Variants in XKRX observed in about 807,000 individuals in gnomAD.
XKRX encodes the protein XK-related protein 2.
Under a neutral mutation model 22.4 loss-of-function variants are expected in XKRX, and 11 were observed. The observed-to-expected ratio is 0.49, with a 90% confidence interval of 0.31 to 0.81. XKRX has a LOEUF of 0.81. Among genes scored for constraint, XKRX ranks in the 40% least tolerant of loss-of-function variants. The pLI is 0.05. For missense variants in XKRX, 320 were observed against 336.5 expected (o/e 0.95, Z 0.38); for synonymous variants, 114 against 132.2 (o/e 0.86, Z 0.94).
the XKRX span, among the ~76,000 whole-genome samples, chrX:100,941,719 T>C: frequency 1.8e-5 from 2 of 111,698 alleles, no homozygotes; most frequent in Non-Finnish European, 3.8e-5. Context: ...CAGCTGCAGC[T>C]ACCTTCTTAC....
the XKRX span, among the ~76,000 whole-genome samples, chrX:100,887,217 C>T: frequency 4.5e-5 from 5 of 111,196 alleles, no homozygotes; most frequent in African/African-American, 1.6e-4. Context: ...CCTGGCATCA[C>T]CCTGAAGGAA....
At chrX:100,900,108 A>C in the XKRX span, among the ~76,000 whole-genome samples, 1 of 112,227 alleles carries the variant, frequency 8.9e-6, no homozygotes, top group Admixed American at 9.5e-5. Context: ...TTGTAATCCC[A>C]GCACTTTGGG....
the XKRX span, among the ~76,000 whole-genome samples, chrX:100,897,595 G>A: frequency 0.076 from 1,044 of 13,681 alleles, 42 homozygotes; most frequent in African/African-American, 0.33. Flanking sequence ...ATATATATAT[G>A]TGTGTGTGTG....
At chrX:100,953,652 T>C in the XKRX span, among the ~76,000 whole-genome samples, 2 of 111,530 alleles carry the variant, frequency 1.8e-5, no homozygotes, top group Non-Finnish European at 3.8e-5. Flanking sequence ...CTCATGTCTG[T>C]AATCCCAGCA....
At chrX:100,909,469 A>C (rs1181109693), downstream of XKRX, among the ~76,000 whole-genome samples, 1 of 112,607 alleles carries the variant, frequency 8.9e-6, no homozygotes, top group Non-Finnish European at 1.9e-5. Flanking sequence ...TCTGGAGCCT[A>C]AGGGCATAGG....
the XKRX span, among the ~76,000 whole-genome samples, chrX:100,889,299 ATTAG>A: frequency 9.1e-6 from 1 of 109,519 alleles, no homozygotes; most frequent in Non-Finnish European, 1.9e-5. Context: ...TATAGATGTA[ATTAG>A]TTAAGATGAG....
chrX:100,894,668 T>C, the XKRX span, among the ~76,000 whole-genome samples: 2 of 111,298 alleles, frequency 1.8e-5, no homozygotes, highest in Non-Finnish European at 3.8e-5. Flanking sequence ...GGGGCTGGTC[T>C]TCCAATGTTC....
the XKRX span, among the ~76,000 whole-genome samples, chrX:100,905,166 G>A: frequency 8.9e-6 from 1 of 111,869 alleles, no homozygotes; most frequent in Admixed American, 9.5e-5. Flanking sequence ...TAGTAGCTGT[G>A]TGACCGTGGG....
intron 2 of XKRX, among the ~76,000 whole-genome samples, chrX:100,920,414 T>A (rs1177527041): frequency 9.0e-6 from 1 of 111,561 alleles, no homozygotes; most frequent in Non-Finnish European, 1.9e-5. Flanking sequence ...GTATGTATGT[T>A]TATGTTTACA....
At chrX:100,889,068 C>T in the XKRX span, among the ~76,000 whole-genome samples, 1 of 108,299 alleles carries the variant, frequency 9.2e-6, no homozygotes, top group Admixed American at 1.0e-4. Context: ...GGTGAAACCC[C>T]ATCTCTACTA....
At chrX:100,902,497 A>G in the XKRX span, among the ~76,000 whole-genome samples, 1 of 112,080 alleles carries the variant, frequency 8.9e-6, no homozygotes, top group Non-Finnish European at 1.9e-5. Flanking sequence ...TTCTTAACAA[A>G]GTATTAGCAA....
At chrX:100,892,911 G>A in the XKRX span, among the ~76,000 whole-genome samples, 1 of 112,191 alleles carries the variant, frequency 8.9e-6, no homozygotes, top group Admixed American at 9.5e-5. Flanking sequence ...CATTAACCAA[G>A]ATATGGAATC....
chrX:100,938,880 G>GT, the XKRX span, among the ~76,000 whole-genome samples: 1 of 112,088 alleles, frequency 8.9e-6, no homozygotes, highest in Non-Finnish European at 1.9e-5. Flanking sequence ...GTATAATCAT[G>GT]TTGATAATCA....
chrX:100,928,775 C>T lies in XKRX; in HGVS notation c.-471G>A. 1 of 758,492 alleles carries T rather than the reference C, an allele frequency of 1.3e-6. No individual in the cohort carries two copies. Among genetic ancestry groups the T allele is most frequent in the Non-Finnish European group, 1.6e-6 (1 of 642,403 alleles). 62.5% of individuals were successfully genotyped at this position (758,492 alleles called of 1,213,427 possible). ...TGACCAGTGTGTCCTCTCAAGTCAG[C>T]GGAGAGCTGAGCCAGGGCAGAAGAG... On this transcript the variant is annotated 5_prime_UTR_variant, in exon 1 of 3. Coordinates refer to ENST00000372956, the MANE Select transcript of XKRX (RefSeq NM_212559.3).
downstream of XKRX, among the ~76,000 whole-genome samples, chrX:100,909,902 CAAAAAAA>C (rs5903174): frequency 2.9e-5 from 1 of 34,529 alleles, no homozygotes; most frequent in Admixed American, 5.0e-4. Context: ...GACTCCATCT[CAAAAAAA>C]AAAAAAAAAA....
chrX:100,918,285 C>T (rs747658207), intron 2 of XKRX, among the ~76,000 whole-genome samples: 9 of 111,811 alleles, frequency 8.0e-5, no homozygotes, highest in Non-Finnish European at 1.5e-4. Context: ...GTGTTGGAAT[C>T]TCAGAGACTG....
chrX:100,893,499 A>G, the XKRX span, among the ~76,000 whole-genome samples: 6 of 112,177 alleles, frequency 5.3e-5, no homozygotes, highest in Non-Finnish European at 9.4e-5. Flanking sequence ...TGTATAAAAA[A>G]GACACCTGCA....
At chrX:100,910,634 G>A (rs780976832), downstream of XKRX, 337 of 341,300 alleles carry the variant, frequency 9.9e-4, no homozygotes, top group Non-Finnish European at 1.5e-3. Flanking sequence ...GCCTCGGCTC[G>A]TGGGTCTCTG....
At chrX:100,938,353 G>A in the XKRX span, among the ~76,000 whole-genome samples, 1 of 111,928 alleles carries the variant, frequency 8.9e-6, no homozygotes, top group Non-Finnish European at 1.9e-5. Context: ...GATTGGCCGG[G>A]TGCAGTGGCT....
Sources: allele counts gnomAD v4.1 joint callset (sites outside exome capture counted in the v4.1 genomes callset), GRCh38; gene constraint gnomAD v4.1.1; transcripts MANE v1.5; gene names NCBI Gene and HGNC (gene_info 2026-07-23, HGNC 2026-07-21).